The following ODAD2 variants were observed in gnomAD, a reference collection of about 807,000 sequenced individuals.
ODAD2 encodes outer dynein arm-docking complex subunit 2.
In ODAD2, 89 loss-of-function variants were observed where a neutral mutation model predicts 106.8. The observed-to-expected ratio is 0.83, with a 90% confidence interval of 0.70 to 0.99. ODAD2 has a LOEUF of 0.99. ODAD2 is among the 50% of genes least tolerant of loss of function. The pLI is 0.00. For missense variants in ODAD2, 1,168 were observed against 1,238.5 expected (o/e 0.94, Z 0.85); for synonymous variants, 404 against 436.2 (o/e 0.93, Z 0.92).
At chr10:27,913,070 T>C (rs1844119566) in intron 16 of ODAD2, among the ~76,000 whole-genome samples, 2 of 152,154 alleles carry the variant, frequency 1.3e-5, no homozygotes, top group South Asian at 2.1e-4. Flanking sequence ...AACAATATGA[T>C]TAGAAAGACT....
In ODAD2 at chr10:27,961,697, A is replaced by C. The variant is rs1162274365; in HGVS notation, c.1257T>G (p.Ile419Met). 5 of 1,606,556 alleles carry C rather than the reference A, an allele frequency of 3.1e-6. No individual in the cohort carries two copies. The highest frequency in any genetic ancestry group is 1.3e-5 in the African/African-American group (1 of 74,604). ...AQLLRKSAEK[I>M]EETVSDSSSE... ...AGGAGCTATCGCTAACAGTTTCCTCAATCTTTTCAGCACTCTTCCTAAGAA... is the reference window on the plus strand; with the variant it reads ...AGGAGCTATCGCTAACAGTTTCCTCCATCTTTTCAGCACTCTTCCTAAGAA... Residue 419 changes from isoleucine to methionine, a missense_variant, in exon 10 of 20, where the codon ATT becomes ATG. Ile to Met is a conservative substitution (Grantham distance 10). Around this residue, in one of 3 missense-constraint regions of ODAD2, gnomAD observed 37 missense variants for 74.1 expected, o/e 0.50. Transcript: ENST00000305242.
chr10:27,935,302 TAAA>T, intron 15 of ODAD2, 50 bp from the exon 16 acceptor site: 1 of 1,597,470 alleles, frequency 6.3e-7, no homozygotes, highest in Non-Finnish European at 8.6e-7. Flanking sequence ...TAAGGTTTGC[TAAA>T]AATTACTAAA....
chr10:27,839,510 C>A (rs1336803020), intron 19 of ODAD2, among the ~76,000 whole-genome samples: 3 of 152,158 alleles, frequency 2.0e-5, no homozygotes, highest in Non-Finnish European at 4.4e-5. Context: ...TTTTAAACAG[C>A]CCCAAATTGA....
chr10:27,819,631 G>C (rs990855250), intron 19 of ODAD2, among the ~76,000 whole-genome samples: 2 of 147,726 alleles, frequency 1.4e-5, no homozygotes, highest in Non-Finnish European at 3.0e-5. Flanking sequence ...GGTCACGTGC[G>C]CCTGTAGTCT....
At chr10:27,856,731 C>A (rs1425376766) in intron 19 of ODAD2, among the ~76,000 whole-genome samples, 1 of 152,060 alleles carries the variant, frequency 6.6e-6, no homozygotes, top group African/African-American at 2.4e-5. Context: ...GGTACAAAGG[C>A]CGAGGTGGGT....
intron 16 of ODAD2, among the ~76,000 whole-genome samples, chr10:27,910,637 A>G (rs1472636310): frequency 1.3e-5 from 2 of 151,980 alleles, no homozygotes; most frequent in Non-Finnish European, 2.9e-5. Flanking sequence ...CACGACTCTA[A>G]TCTCAGCTAC....
intron 19 of ODAD2, among the ~76,000 whole-genome samples, chr10:27,846,112 G>A (rs1325790174): frequency 6.6e-6 from 1 of 152,182 alleles, no homozygotes; most frequent in African/African-American, 2.4e-5. Flanking sequence ...CAAATCAACA[G>A]AATATGCATT....
At chr10:27,876,684 T>C (rs1045068734) in intron 17 of ODAD2, among the ~76,000 whole-genome samples, 8 of 152,150 alleles carry the variant, frequency 5.3e-5, no homozygotes, top group African/African-American at 9.7e-5. Flanking sequence ...CTCCTACTTA[T>C]AGGCAGGAGT....
chr10:27,876,140 G>C (rs1002645506), intron 17 of ODAD2, among the ~76,000 whole-genome samples: 1 of 152,144 alleles, frequency 6.6e-6, no homozygotes, highest in Non-Finnish European at 1.5e-5. Flanking sequence ...CCAAACAAAA[G>C]GCAGCAGAAA....
chr10:27,831,437 C>T (rs933885457), intron 19 of ODAD2, among the ~76,000 whole-genome samples: 1 of 152,162 alleles, frequency 6.6e-6, no homozygotes, highest in African/African-American at 2.4e-5. Flanking sequence ...GAGTGCTTAC[C>T]ATGTATCAGG....
At chr10:27,906,765 A>G (rs147570115) in intron 17 of ODAD2, among the ~76,000 whole-genome samples, 4,859 of 151,404 alleles carry the variant, frequency 0.032, 284 homozygotes, top group African/African-American at 0.11. Context: ...ATACAGGAAC[A>G]AAAAACCAAA....
chr10:27,846,996 A>G (rs1838819503), intron 19 of ODAD2, among the ~76,000 whole-genome samples: 1 of 152,230 alleles, frequency 6.6e-6, no homozygotes, highest in Non-Finnish European at 1.5e-5. Context: ...CCAGAAGTAC[A>G]AGGAGGAGCG....
chr10:27,900,633 C>T (rs893347119), intron 17 of ODAD2, among the ~76,000 whole-genome samples: 1 of 152,062 alleles, frequency 6.6e-6, no homozygotes, highest in Non-Finnish European at 1.5e-5. Flanking sequence ...CCTGATGGAG[C>T]TGAAAAACAC....
intron 17 of ODAD2, among the ~76,000 whole-genome samples, chr10:27,872,772 A>G (rs902331378): frequency 1.3e-4 from 20 of 151,972 alleles, no homozygotes; most frequent in African/African-American, 3.9e-4. Context: ...ATTTTATTGA[A>G]GATTTTTGCA....
intron 17 of ODAD2, among the ~76,000 whole-genome samples, chr10:27,870,289 C>G (rs1840766029): frequency 6.6e-6 from 1 of 152,088 alleles, no homozygotes; most frequent in Non-Finnish European, 1.5e-5. Context: ...TACACTCCAG[C>G]CTCCTGGAAA....
chr10:27,921,521 TA>T lies in ODAD2; in HGVS notation c.2495+13488del, dbSNP rs551485004. Among the ~76,000 whole-genome samples, 182 of 146,748 alleles carry T rather than the reference TA, an allele frequency of 1.2e-3. 1 individual carries two copies. The highest frequency in any genetic ancestry group is 6.3e-3 in the East Asian group (32 of 5,042). On this transcript the variant is annotated intron_variant, in intron 16 of 19. Transcript: ENST00000305242. The stretch of plus-strand genomic sequence containing the variant: ...ATGAAGATCCATGAATTCCAGTAAT[TA>T]AAAAAAAAAATCCTTATCAGTCTTG...
intron 19 of ODAD2, among the ~76,000 whole-genome samples, chr10:27,844,716 T>A (rs1486584271): frequency 1.1e-4 from 16 of 152,254 alleles, no homozygotes; most frequent in Non-Finnish European, 2.4e-4. Flanking sequence ...AGAATAAATG[T>A]CTGGCACACA....
At chr10:27,970,518 T>C (rs1848775505) in intron 8 of ODAD2, among the ~76,000 whole-genome samples, 1 of 152,178 alleles carries the variant, frequency 6.6e-6, no homozygotes. Flanking sequence ...ACCAACTATA[T>C]AAAAGTGAAT....
At chr10:27,869,182 A>G (rs3901839) in intron 17 of ODAD2, among the ~76,000 whole-genome samples, 78,143 of 151,938 alleles carry the variant, frequency 0.51, 22,403 homozygotes, top group Middle Eastern at 0.68. Context: ...AGAACAAATA[A>G]AGATAATGGA....
Sources: gnomAD v4.1 joint callset for allele counts (sites outside exome capture counted in the v4.1 genomes callset) on GRCh38, gnomAD v4.1.1 for gene constraint, gnomAD v4.1.1 regional missense constraint, MANE v1.5 for transcripts, NCBI Gene and HGNC (gene_info 2026-07-23, HGNC 2026-07-21) for gene names.